The following FREM3 variants were observed in gnomAD, a reference collection of about 807,000 sequenced individuals.
FREM3 encodes FRAS1-related extracellular matrix protein 3.
A neutral mutation model predicts 129.1 loss-of-function variants in FREM3; 105 were observed. That is an observed-to-expected ratio of 0.81 (90% CI 0.69 to 0.96). The LOEUF is 0.96. Ranked by LOEUF, FREM3 falls within the 40% of genes least tolerant of loss-of-function variation. The pLI is 0.00. For synonymous variants in FREM3, 1,014 were observed against 1,044.9 expected (o/e 0.97, Z 0.57); for missense variants, 2,593 against 2,666.3 (o/e 0.97, Z 0.61).
intron 2 of FREM3, among the ~76,000 whole-genome samples, chr4:143,663,873 G>A (rs1405611125): frequency 1.3e-5 from 2 of 151,710 alleles, no homozygotes; most frequent in Non-Finnish European, 2.9e-5. Flanking sequence ...CCAGTTGATC[G>A]CATCGGCTCC....
chr4:143,587,480 T>C (rs1245541138), intron 6 of FREM3, among the ~76,000 whole-genome samples: 1 of 152,196 alleles, frequency 6.6e-6, no homozygotes, highest in Non-Finnish European at 1.5e-5. Context: ...ATTGTATGTA[T>C]TTATGGGGTA....
At chr4:143,660,567 G>A (rs1453563870) in intron 2 of FREM3, among the ~76,000 whole-genome samples, 1 of 152,138 alleles carries the variant, frequency 6.6e-6, no homozygotes, top group Non-Finnish European at 1.5e-5. Flanking sequence ...GGCGATGCGG[G>A]CTCTTTTTTG....
chr4:143,675,501 A>G (rs938811707), intron 2 of FREM3, among the ~76,000 whole-genome samples: 1 of 152,200 alleles, frequency 6.6e-6, no homozygotes, highest in African/African-American at 2.4e-5. Context: ...AAGAGCAAAC[A>G]CATTCAAAAG....
rs534776705 is a variant in FREM3 at position 143,654,976 on chromosome 4, C to T, written c.5276-27216G>A. On this transcript the variant is annotated intron_variant, in intron 2 of 7. Transcript: ENST00000329798. ...ATCAGAGTAAGCATGGAGGAGCACACGGCTGGCAGGAACAGTTGAAGTGCA... is the reference window on the plus strand; with the variant it reads ...ATCAGAGTAAGCATGGAGGAGCACATGGCTGGCAGGAACAGTTGAAGTGCA... Among the ~76,000 whole-genome samples the T allele has an allele frequency of 4.6e-5, 7 of 152,176 alleles. No individual in the cohort carries two copies. The South Asian group carries it at 6.2e-4, about 14-fold the overall frequency.
chr4:143,669,601 T>G (rs770379367), intron 2 of FREM3, among the ~76,000 whole-genome samples: 1 of 151,944 alleles, frequency 6.6e-6, no homozygotes, highest in Non-Finnish European at 1.5e-5. Context: ...TCATTCAATT[T>G]TATATGAAGT....
intron 2 of FREM3, among the ~76,000 whole-genome samples, chr4:143,675,540 CAGA>C (rs1290734094): frequency 2.0e-5 from 3 of 152,066 alleles, no homozygotes; most frequent in Non-Finnish European, 1.5e-5. Context: ...TAACTAAGAT[CAGA>C]GCAGAACTGA....
intron 7 of FREM3, among the ~76,000 whole-genome samples, chr4:143,583,628 C>T (rs1050230376): frequency 4.0e-5 from 6 of 151,608 alleles, no homozygotes; most frequent in African/African-American, 1.5e-4. Context: ...CTCTACAGGC[C>T]AGAAGAGATT....
At chr4:143,614,422 A>C (rs1002193987) in intron 5 of FREM3, among the ~76,000 whole-genome samples, 6 of 152,364 alleles carry the variant, frequency 3.9e-5, no homozygotes, top group Non-Finnish European at 8.8e-5. Context: ...ATAAAAGATA[A>C]GGTCCCTGGC....
At chr4:143,686,148 A>G (rs540879016) in intron 2 of FREM3, among the ~76,000 whole-genome samples, 1 of 152,296 alleles carries the variant, frequency 6.6e-6, no homozygotes, top group Non-Finnish European at 1.5e-5. Flanking sequence ...ATGCAAACGG[A>G]CACCAAAAGC....
At chr4:143,580,619 A>T (rs1340185349) in intron 7 of FREM3, among the ~76,000 whole-genome samples, 2 of 152,054 alleles carry the variant, frequency 1.3e-5, no homozygotes, top group Non-Finnish European at 2.9e-5. Context: ...GAGCAGATGG[A>T]CTGCACAACT....
intron 4 of FREM3, among the ~76,000 whole-genome samples, chr4:143,623,581 T>C (rs1050321608): frequency 6.7e-6 from 1 of 150,068 alleles, no homozygotes; most frequent in Non-Finnish European, 1.5e-5. Flanking sequence ...AGATTTTTTT[T>C]CCTTTAAATT....
Position 143,696,682 on chromosome 4 carries a change from C to G in FREM3, c.3994G>C (p.Ala1332Pro). Residue 1332 changes from alanine (A) to proline (P), a missense_variant, in exon 1 of 8, where the codon GCC becomes CCC. Transcript: ENST00000329798. ...SEIITNRILK[A>P]TDLDSDDKSL... Reference sequence around the variant, plus strand: ...TTATCATCTGAGTCAAGATCTGTGGCCTTGAGGATCCGATTTGTGATGATC... The same window carrying G: ...TTATCATCTGAGTCAAGATCTGTGGGCTTGAGGATCCGATTTGTGATGATC... The G allele has an allele frequency of 6.5e-7, 1 of 1,537,832 alleles. No homozygotes were observed. The highest frequency in any genetic ancestry group is 2.0e-5 in the Admixed American group (1 of 51,006).
In FREM3 at chr4:143,696,457, C is replaced by T. The variant is rs1740571070; in HGVS notation, c.4219G>A (p.Val1407Ile). ...AAGTAGTGGTCTGTCAAAGTGTTAACCCCATCAGTAACATCAAACTTGATA... is the reference window on the plus strand; with the variant it reads ...AAGTAGTGGTCTGTCAAAGTGTTAATCCCATCAGTAACATCAAACTTGATA... ...DIIKFDVTDG[V>I]NTLTDHYFYV... The change falls in exon 1 of 8, where the codon GTT (valine) becomes ATT (isoleucine). Residue 1407 changes from valine (V) to isoleucine (I), a missense_variant. Physicochemically the swap from Val to Ile is conservative, Grantham distance 29 (BLOSUM62 3). This residue lies in a region of FREM3 where 2,276 missense variants were observed against 2,267.2 expected (regional missense o/e 1.00). Transcript: ENST00000329798. 6.5e-7 allele frequency: 1 copy of T among 1,537,712 alleles called. No individual in the cohort carries two copies. Among genetic ancestry groups the T allele is most frequent in the Non-Finnish European group, 8.7e-7 (1 of 1,147,014 alleles).
intron 1 of FREM3, among the ~76,000 whole-genome samples, chr4:143,693,794 GTTC>G (rs1405713753): frequency 7.9e-5 from 12 of 152,200 alleles, no homozygotes; most frequent in South Asian, 2.1e-4. Flanking sequence ...GTCTTTTGTT[GTTC>G]TTCTTCTCGT....
Position 143,695,589 on chromosome 4 carries a change from G to A in FREM3, c.5087C>T (p.Pro1696Leu). The change falls in exon 1 of 8, where the codon CCC (proline) becomes CTC (leucine). Residue 1696 changes from proline (P) to leucine (L), a missense_variant. Coordinates refer to ENST00000329798, the MANE Select transcript of FREM3 (RefSeq NM_001168235.2). Reference sequence around the variant, plus strand: ...CACTTTATACTTCAGAAGCCTGTGGGGACTGTCCTGATCTTCTGCCTTCAG... The same window carrying A: ...CACTTTATACTTCAGAAGCCTGTGGAGACTGTCCTGATCTTCTGCCTTCAG... Reference protein sequence around the residue: ...KSLKAEDQDSPHRLLKYKVTR... With the variant: ...KSLKAEDQDSLHRLLKYKVTR... 6.5e-7 allele frequency: 1 copy of A among 1,537,274 alleles called. No individual in the cohort carries two copies. Among genetic ancestry groups the A allele is most frequent in the Non-Finnish European group, 8.7e-7 (1 of 1,146,916 alleles).
At chr4:143,591,895 A>T (rs143453135) in intron 6 of FREM3, among the ~76,000 whole-genome samples, 1 of 152,016 alleles carries the variant, frequency 6.6e-6, no homozygotes, top group Non-Finnish European at 1.5e-5. Context: ...GTAGGTCACT[A>T]AGGACTTGCT....
chr4:143,674,628 T>C (rs893864461), intron 2 of FREM3, among the ~76,000 whole-genome samples: 2 of 152,194 alleles, frequency 1.3e-5, no homozygotes, highest in Non-Finnish European at 2.9e-5. Context: ...CCCATCAGTG[T>C]GCTGTTTTCA....
chr4:143,599,865 A>G (rs1176865507), intron 6 of FREM3, among the ~76,000 whole-genome samples: 2 of 152,192 alleles, frequency 1.3e-5, no homozygotes, highest in East Asian at 3.9e-4. Context: ...AGGATGTGGA[A>G]AAAGAATTCC....
At chr4:143,590,428 T>C (rs1272821290) in intron 6 of FREM3, among the ~76,000 whole-genome samples, 3 of 152,242 alleles carry the variant, frequency 2.0e-5, no homozygotes, top group Admixed American at 6.5e-5. Context: ...ACCTAATTTA[T>C]TGAGAGTTTT....
Sources: allele counts gnomAD v4.1 joint callset (sites outside exome capture counted in the v4.1 genomes callset), GRCh38; gene constraint gnomAD v4.1.1; regional missense constraint gnomAD v4.1.1; transcripts MANE v1.5; gene names NCBI Gene and HGNC (gene_info 2026-07-23, HGNC 2026-07-21).